The following GRIN2C variants were observed in gnomAD, a reference collection of about 807,000 sequenced individuals.
GRIN2C encodes glutamate ionotropic receptor NMDA type subunit 2C.
Under a neutral mutation model 77.7 loss-of-function variants are expected in GRIN2C, and 64 were observed. The ratio of observed to expected loss-of-function variants is 0.82; its 90% CI spans 0.67 to 1.01. GRIN2C has a LOEUF of 1.01. Ranked by LOEUF, GRIN2C falls within the 50% of genes least tolerant of loss-of-function variation. The pLI, the probability that GRIN2C is intolerant of heterozygous loss-of-function variation, is 0.00. For missense variants in GRIN2C, 1,549 were observed against 1,486.0 expected, an observed-to-expected ratio of 1.04 and a Z score of -0.70; for synonymous variants, 792 against 643.4, an observed-to-expected ratio of 1.23 and a Z score of -3.49.
At position 74,842,991 on chromosome 17, in the gene GRIN2C, A is replaced by AGCTCCGGGG. The variant is rs56348130; in HGVS notation, c.3145_3146insCCCCGGAGC (p.Glu1048_Leu1049insProProGlu). Reference sequence around the variant, plus strand: ...CGGACCGAGCAGCGGCAGGTCCTCCAGCTCCGGGAAGAGCGGGAGGAAGGG... The same window carrying AGCTCCGGGG: ...CGGACCGAGCAGCGGCAGGTCCTCCAGCTCCGGGGGCTCCGGGAAGAGCGGGAGGAAGGG... On this transcript the variant is annotated inframe_insertion, in exon 13 of 13. Transcript: ENST00000293190. 0.87 allele frequency: 446,047 copies of AGCTCCGGGG among 510,714 alleles called. 196,016 individuals carry two copies. The highest frequency in any genetic ancestry group is 0.91 in the Non-Finnish European group (262,834 of 289,576). 31.6% of individuals were successfully genotyped at this position (510,714 alleles called of 1,614,324 possible).
Position 74,846,001 on chromosome 17 carries a change from T to C in GRIN2C, c.2350+65A>G. On this transcript the variant is annotated intron_variant, in intron 11 of 12. Coordinates refer to ENST00000293190, the MANE Select transcript of GRIN2C (RefSeq NM_000835.6). This position sits in a 1 kb window ranked among gnomAD's most constrained non-coding sequence, Gnocchi z 4.4. ...CAGGCCTTGGGAACTTGAGTGGTGG[T>C]GGAAATGCTGACAACCTTGGGCTCC... 6.9e-7 allele frequency: 1 copy of C among 1,451,574 alleles called. No homozygotes were observed. The highest frequency in any genetic ancestry group is 2.3e-5 in the East Asian group (1 of 43,950). 89.9% of individuals were successfully genotyped at this position (1,451,574 alleles called of 1,614,324 possible).
chr17:74,846,879 G>A lies in GRIN2C; in HGVS notation c.2043C>T (p.Gly681=). The change falls in exon 10 of 13, where the codon GGC becomes GGT. Residue 681 remains glycine (G), a synonymous_variant. Transcript: ENST00000293190. The surrounding 1 kb of genome is among the most constrained non-coding windows in gnomAD (Gnocchi z 4.4). ...PQDQYPPFRF[G]TVPNGSTERN... is the part of the protein sequence containing the mutation. The stretch of plus-strand genomic sequence containing the variant: ...GCTCCGTGCTGCCGTTGGGCACCGT[G>A]CCGAAGCGGAAAGGTGGGTACTGAT... 6.2e-7 allele frequency: 1 copy of A among 1,614,066 alleles called. No homozygotes were observed. The highest frequency in any genetic ancestry group is 1.1e-5 in the South Asian group (1 of 91,078).
chr17:74,850,975 G>A lies in GRIN2C; in HGVS notation c.1114-208C>T. The A allele has an allele frequency of 5.0e-6, 3 of 598,868 alleles. No homozygotes were observed. The highest frequency in any genetic ancestry group is 8.9e-6 in the Non-Finnish European group (3 of 335,380). The allele number at this position is 598,868 out of a possible 1,614,324, so 37.1% of individuals were successfully genotyped here. A position where few individuals can be genotyped will look rare whatever the true frequency, so the allele number is the denominator to read the frequency against. ...ACCCACAGCATCTTCCTAAAGCCCA[G>A]ACCTGACCCTGTCTCACTCACTGTA... On this transcript the variant is annotated intron_variant, in intron 4 of 12. Coordinates refer to ENST00000293190, the MANE Select transcript of GRIN2C (RefSeq NM_000835.6). This position sits in a 1 kb window ranked among gnomAD's most constrained non-coding sequence, Gnocchi z 5.3.
intron 11 of GRIN2C, among the ~76,000 whole-genome samples, chr17:74,845,261 ATTTTTT>A (rs34846249): frequency 1.0e-5 from 1 of 97,648 alleles, no homozygotes. Context: ...GAGAAATCAG[ATTTTTT>A]TTTTTTTTTT....
At chr17:74,855,544 C>A (rs902187208) in intron 1 of GRIN2C, among the ~76,000 whole-genome samples, 1 of 152,226 alleles carries the variant, frequency 6.6e-6, no homozygotes, top group Non-Finnish European at 1.5e-5. Flanking sequence ...CTTAGCCTCT[C>A]TGAGCCATGT....
chr17:74,857,887 T>TAC (rs61196299), intron 1 of GRIN2C, among the ~76,000 whole-genome samples: 2,703 of 152,360 alleles, frequency 0.018, 82 homozygotes, highest in African/African-American at 0.061. Context: ...GTATCTTGAT[T>TAC]ACATGTTGAA....
At position 74,842,434 on chromosome 17, in the gene GRIN2C, C is replaced by T; in HGVS notation, c.*1G>A. On this transcript the variant is annotated 3_prime_UTR_variant, in exon 13 of 13. Coordinates refer to ENST00000293190, the MANE Select transcript of GRIN2C (RefSeq NM_000835.6). ...GGCTCGGAGCCTGAGTGGCTGATAACTCACACTTCTGACTCCAGACTGGAG... is the reference window on the plus strand; with the variant it reads ...GGCTCGGAGCCTGAGTGGCTGATAATTCACACTTCTGACTCCAGACTGGAG... The T allele has an allele frequency of 1.3e-6, 1 of 772,152 alleles. No homozygotes were observed. Among genetic ancestry groups the T allele is most frequent in the Non-Finnish European group, 2.4e-6 (1 of 414,904 alleles). The allele number at this position is 772,152 out of a possible 1,614,324, so 47.8% of individuals were successfully genotyped here.
chr17:74,850,128 G>T lies in GRIN2C; in HGVS notation c.1491+78C>A. Reference sequence around the variant, plus strand: ...TGACAGCCCATGCCCCCCTCTAGAGGGCATCTGAGAGCCACATGGGGCCTG... The same window carrying T: ...TGACAGCCCATGCCCCCCTCTAGAGTGCATCTGAGAGCCACATGGGGCCTG... On this transcript the variant is annotated intron_variant, in intron 6 of 12. Transcript: ENST00000293190. This position sits in a 1 kb window ranked among gnomAD's most constrained non-coding sequence, Gnocchi z 5.3. 6.6e-7 allele frequency: 1 copy of T among 1,520,344 alleles called. No individual in the cohort carries two copies. Among genetic ancestry groups the T allele is most frequent in the South Asian group, 1.2e-5 (1 of 86,798 alleles). 94.2% of individuals were successfully genotyped at this position (1,520,344 alleles called of 1,614,324 possible). A position where few individuals can be genotyped will look rare whatever the true frequency, so the allele number is the denominator to read the frequency against.
In GRIN2C at chr17:74,846,323, A is replaced by T. The variant is rs1013081492; in HGVS notation, c.2163-70T>A. 7.2e-7 allele frequency: 1 copy of T among 1,389,624 alleles called. No individual in the cohort carries two copies. The highest frequency in any genetic ancestry group is 1.0e-6 in the Non-Finnish European group (1 of 987,532). The allele number at this position is 1,389,624 out of a possible 1,614,324, so 86.1% of individuals were successfully genotyped here. A position where few individuals can be genotyped will look rare whatever the true frequency, so the allele number is the denominator to read the frequency against. ...GAGGGGACACCGAAACTGGGGCGTG[A>T]CAGGGGTCTAAACCACATGAGCCTG... On this transcript the variant is annotated intron_variant, in intron 10 of 12. Coordinates refer to ENST00000293190, the MANE Select transcript of GRIN2C (RefSeq NM_000835.6). The surrounding 1 kb of genome is among the most constrained non-coding windows in gnomAD (Gnocchi z 4.4).
chr17:74,844,659 G>A (rs2037403497), intron 11 of GRIN2C, 151 bp from the exon 12 acceptor site: 2 of 1,405,208 alleles, frequency 1.4e-6, no homozygotes, highest in African/African-American at 2.9e-5. Context: ...ATCCAGCCTG[G>A]CTGGAGCAGG....
At chr17:74,851,944 C>G (rs2037658252) in intron 3 of GRIN2C, 69 bp downstream of exon 3, 7 of 1,258,640 alleles carry the variant, frequency 5.6e-6, no homozygotes, top group Non-Finnish European at 7.6e-6. Context: ...CCAGCCCAAA[C>G]TCACTGCCAG....
Position 74,852,349 on chromosome 17 carries a change from G to C in GRIN2C, c.662C>G (p.Ala221Gly), listed in dbSNP as rs1339312862. 6.9e-7 allele frequency: 1 copy of C among 1,454,472 alleles called. No homozygotes were observed. Among genetic ancestry groups the C allele is most frequent in the East Asian group, 2.9e-5 (1 of 34,378 alleles). The allele number at this position is 1,454,472 out of a possible 1,614,324, so 90.1% of individuals were successfully genotyped here. A position where few individuals can be genotyped will look rare whatever the true frequency, so the allele number is the denominator to read the frequency against. Residue 221 changes from alanine to glycine, a missense_variant, in exon 3 of 13, where the codon GCG becomes GGG. By Grantham distance (60) the Ala-to-Gly change is moderately conservative (BLOSUM62 0). Coordinates refer to ENST00000293190, the MANE Select transcript of GRIN2C (RefSeq NM_000835.6). The stretch of plus-strand genomic sequence containing the variant: ...CGAGCAGTAGGCCACAAACACGGGC[G>C]CGTCGAGCTGGCGCAGCAGGCGCTG... ...RTQRLLRQLD[A>G]PVFVAYCSRE...
chr17:74,847,272 G>GGCCCCCCCCC lies in GRIN2C; in HGVS notation c.2001+35_2001+36insGGGGGGGGGC. On this transcript the variant is annotated intron_variant, in intron 9 of 12. Transcript: ENST00000293190. This position sits in a 1 kb window ranked among gnomAD's most constrained non-coding sequence, Gnocchi z 5.2. ...CTCACGGCCTGTCCCCACCCTCAGT[G>GGCCCCCCCCC]CCCCCCCCCACCCCCAGCAGCTATG... The GGCCCCCCCCC allele has an allele frequency of 1.4e-6, 1 of 692,326 alleles. No homozygotes were observed. Among genetic ancestry groups the GGCCCCCCCCC allele is most frequent in the Non-Finnish European group, 2.6e-6 (1 of 384,402 alleles). 42.9% of individuals were successfully genotyped at this position (692,326 alleles called of 1,614,324 possible). A position where few individuals can be genotyped will look rare whatever the true frequency, so the allele number is the denominator to read the frequency against.
In GRIN2C at chr17:74,849,747, C is replaced by T; in HGVS notation, c.1645+33G>A. The T allele has an allele frequency of 1.3e-6, 2 of 1,596,332 alleles. No homozygotes were observed. The highest frequency in any genetic ancestry group is 1.7e-6 in the Non-Finnish European group (2 of 1,174,808). On this transcript the variant is annotated intron_variant, in intron 7 of 12. Transcript: ENST00000293190. This position sits in a 1 kb window ranked among gnomAD's most constrained non-coding sequence, Gnocchi z 4.6. ...CACCCTCCTCGTGGGCCCCTCTGCC[C>T]CCGGAGCCGTCTCTGCCCACCCTGG...
rs896159098 is a variant in GRIN2C, at chr17:74,855,003, C to T, written c.90G>A (p.Met30Ile). ...GLGPGQGEQG[M>I]TVAVVFSSSG... ...AGCTGCTAAACACCACGGCCACCGT[C>T]ATGCCCTGCTCGCCCTGCCCCGGAC... The change falls in exon 2 of 13, where the codon ATG becomes ATA. Residue 30 changes from methionine to isoleucine, a missense_variant. Physicochemically the swap from Met to Ile is conservative, Grantham distance 10. This residue lies in a region of GRIN2C where 382 missense variants were observed against 360.0 expected (regional missense o/e 1.06). Transcript: ENST00000293190. 10 of 1,606,322 alleles carry T rather than the reference C, an allele frequency of 6.2e-6. No homozygotes were observed. The highest frequency in any genetic ancestry group is 1.7e-4 in the Middle Eastern group (1 of 5,980).
chr17:74,846,391 G>C lies in GRIN2C; in HGVS notation c.2163-138C>G. 1.4e-6 allele frequency: 1 copy of C among 702,692 alleles called. No homozygotes were observed. The highest frequency in any genetic ancestry group is 2.7e-5 in the East Asian group (1 of 37,202). The allele number at this position is 702,692 out of a possible 1,614,324, so 43.5% of individuals were successfully genotyped here. A position where few individuals can be genotyped will look rare whatever the true frequency, so the allele number is the denominator to read the frequency against. On this transcript the variant is annotated intron_variant, in intron 10 of 12. Transcript: ENST00000293190. This position sits in a 1 kb window ranked among gnomAD's most constrained non-coding sequence, Gnocchi z 4.4. ...GGACCAATGGGCAGAGACTTGTCTG[G>C]TTCTCTTGGGTCCTGGATGGGGTGA...
intron 12 of GRIN2C, chr17:74,844,031 G>T: frequency 1.4e-6 from 1 of 731,260 alleles, no homozygotes; most frequent in Non-Finnish European, 2.1e-6. Context: ...GCACCACCAC[G>T]CCCAGCTAAT....
rs1023492989 is a variant in GRIN2C, at chr17:74,842,121, C to G, written c.*314G>C. Reference sequence around the variant, plus strand: ...GATGGCCCTGCCTCAACCACAAGTTCCAGCCTCCATGCCCACAGCAGCCAT... The same window carrying G: ...GATGGCCCTGCCTCAACCACAAGTTGCAGCCTCCATGCCCACAGCAGCCAT... On this transcript the variant is annotated 3_prime_UTR_variant, in exon 13 of 13. Transcript: ENST00000293190. 2.9e-6 allele frequency: 1 copy of G among 341,820 alleles called. No individual in the cohort carries two copies. Among genetic ancestry groups the G allele is most frequent in the African/African-American group, 2.2e-5 (1 of 45,886 alleles). 21.2% of individuals were successfully genotyped at this position (341,820 alleles called of 1,614,324 possible).
At chr17:74,857,845 G>A (rs982956896) in intron 1 of GRIN2C, among the ~76,000 whole-genome samples, 1 of 152,156 alleles carries the variant, frequency 6.6e-6, no homozygotes, top group African/African-American at 2.4e-5. Flanking sequence ...AGACAACAGG[G>A]AAAAAGAATG....
Sources: allele counts gnomAD v4.1 joint callset (sites outside exome capture counted in the v4.1 genomes callset), GRCh38; gene constraint gnomAD v4.1.1; regional missense constraint gnomAD v4.1.1; non-coding constraint Gnocchi (gnomAD v3.1); transcripts MANE v1.5; gene names NCBI Gene and HGNC (gene_info 2026-07-23, HGNC 2026-07-21).